Variants in STAG1 observed in about 807,000 individuals in gnomAD.
The protein encoded by STAG1 is cohesin subunit SA-1.
In STAG1, 26 loss-of-function variants were observed where a neutral mutation model predicts 170.9. That is an observed-to-expected ratio of 0.15 (90% CI 0.11 to 0.21). The LOEUF (loss-of-function observed/expected upper bound fraction) is 0.21. Ranked by LOEUF, STAG1 falls within the 10% of genes least tolerant of loss-of-function variation. STAG1 has a pLI of 1.00. For missense variants in STAG1, 964 were observed against 1,509.5 expected, an observed-to-expected ratio of 0.64 and a Z score of 5.99; for synonymous variants, 514 against 497.7, an observed-to-expected ratio of 1.03 and a Z score of -0.44.
chr3:136,591,703 A>C (rs528452421), intron 4 of STAG1, among the ~76,000 whole-genome samples: 8 of 152,238 alleles, frequency 5.3e-5, no homozygotes, highest in Non-Finnish European at 7.3e-5. Flanking sequence ...AGAATTCAGG[A>C]TGAAGATGCC....
chr3:136,608,789 C>A (rs1177131729), intron 3 of STAG1, among the ~76,000 whole-genome samples: 9 of 139,130 alleles, frequency 6.5e-5, no homozygotes, highest in Non-Finnish European at 1.1e-4. Flanking sequence ...GACAGCGAGA[C>A]CCTATCTCAA....
In STAG1 at chr3:136,341,886, C is replaced by T. The variant is rs538172532; in HGVS notation, c.3447-335G>A. ...CCCCAACTAACAGAAATTATGTTGG[C>T]TTGGCAGCTGAAAGTTCTCCAGAAT... On this transcript the variant is annotated intron_variant, in intron 30 of 33. Coordinates refer to ENST00000383202, the MANE Select transcript of STAG1 (RefSeq NM_005862.3). Among the ~76,000 whole-genome samples the T allele has an allele frequency of 5.6e-4, 85 of 152,328 alleles. 3 individuals are homozygous for T. The South Asian group carries it at 0.017, about 31-fold the overall frequency.
intron 5 of STAG1, among the ~76,000 whole-genome samples, chr3:136,560,349 G>A (rs775544987): frequency 3.3e-5 from 5 of 152,114 alleles, no homozygotes; most frequent in African/African-American, 7.2e-5. Flanking sequence ...AATTAGTTAT[G>A]TTTAAGTACA....
intron 5 of STAG1, among the ~76,000 whole-genome samples, chr3:136,560,839 G>T (rs1039216868): frequency 3.9e-5 from 6 of 152,314 alleles, no homozygotes; most frequent in African/African-American, 9.6e-5. Flanking sequence ...AATGAAGGAG[G>T]AGTTGTTCAT....
intron 9 of STAG1, among the ~76,000 whole-genome samples, chr3:136,478,163 G>A (rs1314191900): frequency 6.6e-6 from 1 of 152,186 alleles, no homozygotes; most frequent in Non-Finnish European, 1.5e-5. Flanking sequence ...TCAAGGCACA[G>A]GTCTTTCATC....
Position 136,421,148 on chromosome 3 carries a change from C to T in STAG1, c.2053G>A (p.Asp685Asn). 1 of 1,608,290 alleles carries T rather than the reference C, an allele frequency of 6.2e-7. No individual in the cohort carries two copies. The highest frequency in any genetic ancestry group is 1.3e-5 in the African/African-American group (1 of 74,738). Reference protein sequence around the residue: ...DLLQEGEEADDDDIYNVLSTL... With the variant: ...DLLQEGEEADNDDIYNVLSTL... ...GAAAGAACATTGTAAATGTCATCATCATCAGCTTCTTCTCCCTATAAAAAA... is the reference window on the plus strand; with the variant it reads ...GAAAGAACATTGTAAATGTCATCATTATCAGCTTCTTCTCCCTATAAAAAA... Residue 685 changes from aspartate to asparagine, a missense_variant, in exon 20 of 34, where the codon GAT (aspartate) becomes AAT (asparagine). This residue lies in a region of STAG1 where 232 missense variants were observed against 313.0 expected (regional missense o/e 0.74). Transcript: ENST00000383202.
At chr3:136,665,652 C>T (rs895252465) in intron 1 of STAG1, among the ~76,000 whole-genome samples, 2 of 150,908 alleles carry the variant, frequency 1.3e-5, no homozygotes, top group Non-Finnish European at 3.0e-5. Context: ...TAGTGGCAGG[C>T]GCCTGTAGTC....
At chr3:136,459,404 T>G (rs570593118) in intron 13 of STAG1, among the ~76,000 whole-genome samples, 5 of 152,018 alleles carry the variant, frequency 3.3e-5, no homozygotes, top group Admixed American at 3.3e-4. Flanking sequence ...TGCAATGTAA[T>G]AGGAGTAGTA....
intron 24 of STAG1, among the ~76,000 whole-genome samples, chr3:136,367,286 T>C (rs964195465): frequency 6.6e-6 from 1 of 152,142 alleles, no homozygotes; most frequent in Non-Finnish European, 1.5e-5. Flanking sequence ...TAATAGGTAC[T>C]AAGGTTTCTG....
intron 3 of STAG1, among the ~76,000 whole-genome samples, chr3:136,613,799 T>C (rs1456286393): frequency 6.6e-6 from 1 of 152,186 alleles, no homozygotes; most frequent in Non-Finnish European, 1.5e-5. Flanking sequence ...ATTAATTCTT[T>C]ACATTAATTT....
chr3:136,724,105 C>T (rs557121539), intron 1 of STAG1, among the ~76,000 whole-genome samples: 1 of 151,932 alleles, frequency 6.6e-6, no homozygotes, highest in African/African-American at 2.4e-5. Context: ...GGAGGTGTAC[C>T]CAACAGCTCA....
At chr3:136,384,061 G>C (rs1474656181) in intron 22 of STAG1, among the ~76,000 whole-genome samples, 2 of 152,088 alleles carry the variant, frequency 1.3e-5, no homozygotes, top group East Asian at 3.9e-4. Context: ...AAAGCAGTCT[G>C]CCTCCAGACT....
intron 1 of STAG1, among the ~76,000 whole-genome samples, chr3:136,732,845 T>G (rs1934119668): frequency 6.6e-6 from 1 of 152,018 alleles, no homozygotes; most frequent in African/African-American, 2.4e-5. Flanking sequence ...CCTGACCTCG[T>G]GAGCCACCCA....
At chr3:136,504,229 GAAAAACA>G (rs1467476630) in intron 7 of STAG1, among the ~76,000 whole-genome samples, 1 of 152,024 alleles carries the variant, frequency 6.6e-6, no homozygotes, top group Non-Finnish European at 1.5e-5. Context: ...TAAAAAACCT[GAAAAACA>G]AATGTAAACA....
At chr3:136,348,285 T>G (rs1560049000) in intron 29 of STAG1, among the ~76,000 whole-genome samples, 1 of 151,800 alleles carries the variant, frequency 6.6e-6, no homozygotes, top group Non-Finnish European at 1.5e-5. Flanking sequence ...AATAGAGCAA[T>G]TTTTAGGTTT....
chr3:136,413,592 G>T (rs1177545783), intron 21 of STAG1, among the ~76,000 whole-genome samples: 6 of 151,962 alleles, frequency 3.9e-5, no homozygotes, highest in Admixed American at 3.9e-4. Context: ...CCGAGTAGTT[G>T]AAATTACAGA....
intron 4 of STAG1, chr3:136,586,933 G>T (rs758624925): frequency 8.8e-6 from 4 of 454,678 alleles, no homozygotes; most frequent in South Asian, 1.6e-5. Context: ...GGCTCTAGGG[G>T]TAAGAAGAGC....
chr3:136,354,470 T>G (rs577930926), intron 28 of STAG1, among the ~76,000 whole-genome samples: 1 of 151,998 alleles, frequency 6.6e-6, no homozygotes, highest in South Asian at 2.1e-4. Context: ...CCCGGCTAAT[T>G]TTTGTATTGT....
intron 16 of STAG1, among the ~76,000 whole-genome samples, chr3:136,432,217 T>C (rs2088325123): frequency 6.6e-6 from 1 of 152,186 alleles, no homozygotes; most frequent in African/African-American, 2.4e-5. Flanking sequence ...TAATTTTAAA[T>C]TTGTGCATTG....
Sources: allele counts gnomAD v4.1 joint callset (sites outside exome capture counted in the v4.1 genomes callset), GRCh38; gene constraint gnomAD v4.1.1; regional missense constraint gnomAD v4.1.1; transcripts MANE v1.5; gene names NCBI Gene and HGNC (gene_info 2026-07-23, HGNC 2026-07-21).